DLGAP1: variants seen among roughly 807,000 people sequenced by gnomAD.
The protein encoded by DLGAP1 is disks large-associated protein 1.
Under a neutral mutation model 90.8 loss-of-function variants are expected in DLGAP1, and 11 were observed. That is an observed-to-expected ratio of 0.12 (90% CI 0.08 to 0.20). DLGAP1 has a LOEUF of 0.20. DLGAP1 is among the 10% of genes least tolerant of loss of function. The probability of loss-of-function intolerance (pLI) is 1.00; values close to 1 mark genes in which losing one functional copy is unlikely to be tolerated. For synonymous variants in DLGAP1, 558 were observed against 540.7 expected, an observed-to-expected ratio of 1.03 and a Z score of -0.44; for missense variants, 1,050 against 1,333.8, an observed-to-expected ratio of 0.79 and a Z score of 3.31.
At chr18:3,753,322 GGAT>G (rs2063578710) in intron 5 of DLGAP1, among the ~76,000 whole-genome samples, 1 of 152,150 alleles carries the variant, frequency 6.6e-6, no homozygotes, top group Non-Finnish European at 1.5e-5. Flanking sequence ...CCAACAGAGT[GGAT>G]GCACCCTTTT....
intron 1 of DLGAP1, among the ~76,000 whole-genome samples, chr18:4,379,814 T>C (rs1256409860): frequency 6.6e-6 from 1 of 152,168 alleles, no homozygotes; most frequent in Non-Finnish European, 1.5e-5. Flanking sequence ...AAATAAGTAA[T>C]TAAGTATAGA....
In DLGAP1 at chr18:3,581,890, C is replaced by T. The variant is rs772025891; in HGVS notation, c.1950G>A (p.Leu650=). The change falls in exon 8 of 13, where the codon CTG becomes CTA. Residue 650 remains leucine (L), a synonymous_variant. Transcript: ENST00000315677. ...KKDHFKKNRC[L]SIGIQVDDAE... Reference sequence around the variant, plus strand: ...AGGCTGTTACCTGTATCCCGATAGACAGGCATCGATTTTTCTTAAAGTGGT... The same window carrying T: ...AGGCTGTTACCTGTATCCCGATAGATAGGCATCGATTTTTCTTAAAGTGGT... 7.4e-6 allele frequency: 12 copies of T among 1,613,976 alleles called. No individual in the cohort carries two copies. In the South Asian group the frequency reaches 1.3e-4, roughly 18 times the overall value.
intron 1 of DLGAP1, among the ~76,000 whole-genome samples, chr18:4,282,958 T>G (rs1344427358): frequency 6.6e-6 from 1 of 152,242 alleles, no homozygotes; most frequent in African/African-American, 2.4e-5. Flanking sequence ...TAGTAATCAG[T>G]CTGTTCAAAG....
intron 1 of DLGAP1, among the ~76,000 whole-genome samples, chr18:4,425,549 C>T (rs953152496): frequency 2.6e-5 from 4 of 152,196 alleles, no homozygotes; most frequent in African/African-American, 7.2e-5. Context: ...GTTCCCCGGA[C>T]AGGAATATGA....
intron 1 of DLGAP1, among the ~76,000 whole-genome samples, chr18:4,434,773 C>T (rs1032427269): frequency 3.3e-5 from 5 of 152,164 alleles, no homozygotes; most frequent in Non-Finnish European, 7.3e-5. Context: ...TGTAGGAATC[C>T]TCAAGCTGTC....
chr18:4,146,915 T>A, intron 2 of DLGAP1, among the ~76,000 whole-genome samples: 1 of 152,122 alleles, frequency 6.6e-6, no homozygotes, highest in East Asian at 1.9e-4. Flanking sequence ...AAAGTAGGCA[T>A]TGAGCCCAAT....
Position 4,104,566 on chromosome 18 carries a change from G to T in DLGAP1, c.-159+46614C>A, listed in dbSNP as rs546689039. On this transcript the variant is annotated intron_variant, in intron 2 of 12. Coordinates refer to ENST00000315677, the MANE Select transcript of DLGAP1 (RefSeq NM_004746.4). ...GATTTATTGCTCCAACTCTAGTATTGTTTATTTTTTCATTTTGATCGTTTC... is the reference window on the plus strand; with the variant it reads ...GATTTATTGCTCCAACTCTAGTATTTTTTATTTTTTCATTTTGATCGTTTC... 3.3e-5 allele frequency among the ~76,000 whole-genome samples: 5 copies of T among 152,092 alleles called. No individual in the cohort carries two copies. In the East Asian group the frequency reaches 9.7e-4, roughly 29 times the overall value.
chr18:3,772,457 CCTCTTTCTT>C (rs2064722460), intron 5 of DLGAP1, among the ~76,000 whole-genome samples: 1 of 43,398 alleles, frequency 2.3e-5, no homozygotes, highest in African/African-American at 6.5e-5. Flanking sequence ...CCCCCACCCC[CCTCTTTCTT>C]TCTTTCTTTC....
chr18:4,415,188 G>A (rs2082870264), intron 1 of DLGAP1, among the ~76,000 whole-genome samples: 1 of 151,978 alleles, frequency 6.6e-6, no homozygotes, highest in African/African-American at 2.4e-5. Context: ...GCAAACACTT[G>A]TATAATATAT....
chr18:4,184,522 C>G (rs187109449), intron 1 of DLGAP1, among the ~76,000 whole-genome samples: 12 of 152,108 alleles, frequency 7.9e-5, no homozygotes, highest in Non-Finnish European at 1.3e-4. Context: ...TAAATCTATT[C>G]AATAAATCGG....
chr18:3,833,955 C>G (rs1447427121), intron 4 of DLGAP1, among the ~76,000 whole-genome samples: 1 of 151,992 alleles, frequency 6.6e-6, no homozygotes, highest in African/African-American at 2.4e-5. Flanking sequence ...AAAACATTTA[C>G]CTAAAGACTG....
At chr18:4,207,092 A>C (rs2077735539) in intron 1 of DLGAP1, among the ~76,000 whole-genome samples, 1 of 152,164 alleles carries the variant, frequency 6.6e-6, no homozygotes, top group Admixed American at 6.6e-5. Context: ...ATCATCATAG[A>C]AGAAAAGGAG....
chr18:4,425,994 C>CT (rs773774655), intron 1 of DLGAP1, among the ~76,000 whole-genome samples: 12 of 151,788 alleles, frequency 7.9e-5, no homozygotes, highest in South Asian at 2.1e-4. Context: ...ATTGTGCAGG[C>CT]TTTTTTTTTC....
chr18:4,419,906 C>A (rs1265749610), intron 1 of DLGAP1, among the ~76,000 whole-genome samples: 1 of 151,954 alleles, frequency 6.6e-6, no homozygotes, highest in Non-Finnish European at 1.5e-5. Flanking sequence ...CCAAAAAAAT[C>A]AAAACCCAAG....
chr18:3,944,339 T>C (rs1568312674), intron 3 of DLGAP1, among the ~76,000 whole-genome samples: 1 of 151,982 alleles, frequency 6.6e-6, no homozygotes. Flanking sequence ...CTACTAAAAA[T>C]ACAAAAATTA....
In DLGAP1 at chr18:4,350,012, CAG is replaced by C. The variant is rs571120796; in HGVS notation, c.-267+104992_-267+104993del. On this transcript the variant is annotated intron_variant, in intron 1 of 12. Transcript: ENST00000315677. ...AGTTTAAACGTGCCATTTTATCAGA[CAG>C]AACTTTCTAAAGGATGCAATTAAAA... Among the ~76,000 whole-genome samples the C allele has an allele frequency of 1.3e-4, 20 of 152,190 alleles. No homozygotes were observed. In the South Asian group the frequency reaches 4.1e-3, roughly 32 times the overall value.
chr18:4,076,674 A>G (rs1283653027), intron 2 of DLGAP1, among the ~76,000 whole-genome samples: 2 of 151,916 alleles, frequency 1.3e-5, no homozygotes, highest in Non-Finnish European at 2.9e-5. Flanking sequence ...CCCAGACTGG[A>G]GTGCAGTGGC....
At chr18:3,523,343 C>A (rs1199240994) in intron 10 of DLGAP1, among the ~76,000 whole-genome samples, 5 of 151,246 alleles carry the variant, frequency 3.3e-5, no homozygotes, top group Non-Finnish European at 1.5e-5. Context: ...CACTACCGCA[C>A]TCCAGCCTGG....
intron 5 of DLGAP1, among the ~76,000 whole-genome samples, chr18:3,745,365 A>G (rs753704459): frequency 6.6e-6 from 1 of 152,248 alleles, no homozygotes; most frequent in Non-Finnish European, 1.5e-5. Flanking sequence ...TATTTCCACA[A>G]AACCGTTGTA....
Sources: allele counts gnomAD v4.1 joint callset (sites outside exome capture counted in the v4.1 genomes callset), GRCh38; gene constraint gnomAD v4.1.1; transcripts MANE v1.5; gene names NCBI Gene and HGNC (gene_info 2026-07-23, HGNC 2026-07-21).